The following FHOD3 variants were observed in gnomAD, a reference collection of about 807,000 sequenced individuals.
FHOD3 encodes formin homology 2 domain containing 3.
FHOD3 carries 90 observed loss-of-function variants against 173.0 expected under a neutral mutation model. The ratio of observed to expected loss-of-function variants is 0.52; its 90% CI spans 0.44 to 0.62. FHOD3 has a LOEUF of 0.62. FHOD3 is among the 20% of genes least tolerant of loss of function. The pLI, the probability that FHOD3 is intolerant of heterozygous loss-of-function variation, is 0.00. For synonymous variants in FHOD3, 828 were observed against 823.0 expected (o/e 1.01, Z -0.10); for missense variants, 1,945 against 2,034.7 (o/e 0.96, Z 0.85).
chr18:36,671,684 T>C (rs1408781631), intron 14 of FHOD3, among the ~76,000 whole-genome samples: 2 of 152,234 alleles, frequency 1.3e-5, no homozygotes, highest in Non-Finnish European at 2.9e-5. Context: ...TTTGTCCACT[T>C]GCTACAACAT....
intron 4 of FHOD3, among the ~76,000 whole-genome samples, chr18:36,511,357 G>GTTTTTTTTTTTTTTTT (rs760692797): frequency 7.0e-6 from 1 of 143,606 alleles, no homozygotes. Context: ...TCTTGCCAAT[G>GTTTTTTTTTTTTTTTT]TTTTTTTTTT....
intron 3 of FHOD3, among the ~76,000 whole-genome samples, chr18:36,481,076 C>T (rs980193368): frequency 7.9e-6 from 1 of 126,670 alleles, no homozygotes; most frequent in Admixed American, 8.8e-5. Flanking sequence ...TTTTAAAAAG[C>T]TTATAAGGCA....
intron 3 of FHOD3, among the ~76,000 whole-genome samples, chr18:36,403,506 G>A (rs775524876): frequency 5.9e-5 from 9 of 152,076 alleles, no homozygotes; most frequent in Non-Finnish European, 1.0e-4. Flanking sequence ...ACCCATACAT[G>A]CTCTCAGAAT....
At chr18:36,403,769 G>C (rs2048932203) in intron 3 of FHOD3, among the ~76,000 whole-genome samples, 1 of 152,222 alleles carries the variant, frequency 6.6e-6, no homozygotes, top group Admixed American at 6.5e-5. Flanking sequence ...TGGGATACCT[G>C]AGCAATTTCT....
chr18:36,546,451 G>A (rs1354692151), intron 5 of FHOD3, among the ~76,000 whole-genome samples: 1 of 152,154 alleles, frequency 6.6e-6, no homozygotes, highest in Non-Finnish European at 1.5e-5. Context: ...GTTAGTTTAA[G>A]CTTTAGTGTA....
chr18:36,486,717 A>T (rs1031775256), intron 3 of FHOD3, among the ~76,000 whole-genome samples: 20 of 152,362 alleles, frequency 1.3e-4, no homozygotes, highest in African/African-American at 4.8e-4. Flanking sequence ...TAAAATGCAC[A>T]CATTTTAAAT....
At chr18:36,396,313 A>G (rs1463766885) in intron 3 of FHOD3, among the ~76,000 whole-genome samples, 1 of 152,136 alleles carries the variant, frequency 6.6e-6, no homozygotes, top group Admixed American at 6.5e-5. Context: ...ATAGTTTTCA[A>G]TATTCTATTC....
chr18:36,358,798 A>G (rs1160368656), intron 2 of FHOD3, among the ~76,000 whole-genome samples: 2 of 151,946 alleles, frequency 1.3e-5, no homozygotes, highest in African/African-American at 4.8e-5. Flanking sequence ...GCTCTGGCTA[A>G]TTTTTGTATT....
intron 10 of FHOD3, among the ~76,000 whole-genome samples, chr18:36,642,357 T>C (rs796474081): frequency 1.3e-5 from 2 of 152,144 alleles, no homozygotes; most frequent in Non-Finnish European, 2.9e-5. Flanking sequence ...CAGTGGTTCA[T>C]GCCTGTAATC....
chr18:36,747,355 A>G (rs925903532), intron 24 of FHOD3, among the ~76,000 whole-genome samples: 2 of 152,230 alleles, frequency 1.3e-5, no homozygotes, highest in African/African-American at 2.4e-5. Context: ...AAGGAATCTC[A>G]GAAATAATTT....
chr18:36,743,231 C>T (rs2041988053), intron 22 of FHOD3, among the ~76,000 whole-genome samples: 1 of 141,210 alleles, frequency 7.1e-6, no homozygotes, highest in East Asian at 2.2e-4. Flanking sequence ...ATCGCTTGAA[C>T]CCGGGAAGCA....
At chr18:36,485,062 G>A (rs2054124473) in intron 3 of FHOD3, among the ~76,000 whole-genome samples, 1 of 152,172 alleles carries the variant, frequency 6.6e-6, no homozygotes. Flanking sequence ...TTGGGGTGTG[G>A]GGGCTGCCAC....
intron 11 of FHOD3, 68 bp from the exon 12 acceptor site, chr18:36,652,501 TC>T (rs2036127581): frequency 2.1e-6 from 3 of 1,461,776 alleles, no homozygotes; most frequent in East Asian, 2.5e-5. Flanking sequence ...TCTCTCTTTT[TC>T]CTAACCTTTG....
chr18:36,482,858 C>CACAG lies in FHOD3; in HGVS notation c.338-19073_338-19072insCAGA, dbSNP rs1400178557. ...ACACACACACACACTCACACACACA[C>CACAG]AGAGAGAGAGAGAGAGAGAGAGAGA... On this transcript the variant is annotated intron_variant, in intron 3 of 28. Coordinates refer to ENST00000590592, the MANE Select transcript of FHOD3 (RefSeq NM_001281740.3). Among the ~76,000 whole-genome samples, 25 of 130,458 alleles carry CACAG rather than the reference C, an allele frequency of 1.9e-4. No individual in the cohort carries two copies. The South Asian group carries it at 3.4e-3, about 18-fold the overall frequency. The allele number at this position is 130,458 out of a possible 152,430, so 85.6% of individuals were successfully genotyped here.
At chr18:36,400,024 G>GT (rs2048732312) in intron 3 of FHOD3, among the ~76,000 whole-genome samples, 1 of 152,250 alleles carries the variant, frequency 6.6e-6, no homozygotes, top group Non-Finnish European at 1.5e-5. Context: ...CAGGAAGAGG[G>GT]TGTGAGGTGT....
chr18:36,369,867 A>G (rs1426650881), intron 2 of FHOD3, among the ~76,000 whole-genome samples: 1 of 152,110 alleles, frequency 6.6e-6, no homozygotes, highest in African/African-American at 2.4e-5. Context: ...ACAGTGAGGC[A>G]ATTGTGCAGT....
intron 17 of FHOD3, 88 bp downstream of exon 17, chr18:36,693,511 C>A: frequency 8.3e-7 from 1 of 1,210,906 alleles, no homozygotes; most frequent in Non-Finnish European, 1.2e-6. Flanking sequence ...AACCTGCAGG[C>A]TAATACTGAG....
chr18:36,382,984 G>C (rs2047866325), intron 3 of FHOD3, among the ~76,000 whole-genome samples: 1 of 152,332 alleles, frequency 6.6e-6, no homozygotes, highest in Non-Finnish European at 1.5e-5. Flanking sequence ...CTGTGTGACT[G>C]TCATGCAGGT....
chr18:36,726,748 C>T (rs1039230059), intron 19 of FHOD3, among the ~76,000 whole-genome samples: 31 of 152,092 alleles, frequency 2.0e-4, no homozygotes, highest in African/African-American at 7.2e-4. Flanking sequence ...AAACTCTGCT[C>T]ACTGCAACCT....
Sources: allele counts gnomAD v4.1 joint callset (sites outside exome capture counted in the v4.1 genomes callset), GRCh38; gene constraint gnomAD v4.1.1; transcripts MANE v1.5; gene names NCBI Gene and HGNC (gene_info 2026-07-23, HGNC 2026-07-21).